The following GRID2 variants were observed in gnomAD, a reference collection of about 807,000 sequenced individuals.
GRID2 encodes the protein glutamate receptor ionotropic, delta-2.
Under a neutral mutation model 114.8 loss-of-function variants are expected in GRID2, and 33 were observed. The observed-to-expected ratio is 0.29, with a 90% CI of 0.22 to 0.38. The LOEUF is 0.38. Among genes scored for constraint, GRID2 ranks in the 10% least tolerant of loss-of-function variants. The probability of loss-of-function intolerance (pLI) is 1.00; values close to 1 mark genes in which losing one functional copy is unlikely to be tolerated. For missense variants in GRID2, 1,184 were observed against 1,257.7 expected (o/e 0.94, Z 0.89); for synonymous variants, 505 against 449.9 (o/e 1.12, Z -1.55).
chr4:92,530,380 G>A (rs566570237), intron 1 of GRID2, among the ~76,000 whole-genome samples: 7 of 151,564 alleles, frequency 4.6e-5, no homozygotes, highest in South Asian at 4.2e-4. Flanking sequence ...TGCCTCATAC[G>A]AACTATTCTT....
intron 1 of GRID2, among the ~76,000 whole-genome samples, chr4:93,801,796 CTTCACTAATAA>C (rs1734936658): frequency 6.6e-6 from 1 of 152,092 alleles, no homozygotes; most frequent in Admixed American, 6.5e-5. Context: ...ACAGAAACAA[CTTCACTAATAA>C]TTATGGGGGA....
intron 3 of GRID2, among the ~76,000 whole-genome samples, chr4:93,108,136 C>T (rs1732426672): frequency 6.6e-6 from 1 of 152,066 alleles, no homozygotes; most frequent in African/African-American, 2.4e-5. Context: ...TTATACTTTA[C>T]CTCAGAGTTT....
chr4:93,053,091 C>T (rs948718026), intron 2 of GRID2, among the ~76,000 whole-genome samples: 3 of 151,894 alleles, frequency 2.0e-5, no homozygotes, highest in Non-Finnish European at 4.4e-5. Context: ...ACACTCGCCT[C>T]CCACTCTACT....
intron 11 of GRID2, among the ~76,000 whole-genome samples, chr4:93,468,124 G>A (rs1010254474): frequency 6.6e-6 from 1 of 152,092 alleles, no homozygotes. Flanking sequence ...TCAGTCATTT[G>A]AACAAATTTT....
chr4:92,907,901 C>CA (rs1748079055), intron 2 of GRID2, among the ~76,000 whole-genome samples: 1 of 151,872 alleles, frequency 6.6e-6, no homozygotes, highest in Non-Finnish European at 1.5e-5. Context: ...GGTGCGCTTA[C>CA]AATCCCAGCT....
chr4:92,882,115 G>A (rs527912039), intron 2 of GRID2, among the ~76,000 whole-genome samples: 1 of 152,226 alleles, frequency 6.6e-6, no homozygotes, highest in African/African-American at 2.4e-5. Flanking sequence ...ATTTAGTTTG[G>A]ATGCATTTGG....
intron 1 of GRID2, among the ~76,000 whole-genome samples, chr4:92,532,641 G>A (rs554002703): frequency 2.6e-5 from 4 of 152,184 alleles, no homozygotes; most frequent in South Asian, 2.1e-4. Context: ...AACCAATAAC[G>A]TTGTCATACG....
chr4:93,225,627 GA>G (rs200966052), intron 7 of GRID2, among the ~76,000 whole-genome samples: 1,790 of 151,946 alleles, frequency 0.012, 32 homozygotes, highest in African/African-American at 0.041. Context: ...CTAGTCAATT[GA>G]AATATAAATG....
intron 2 of GRID2, among the ~76,000 whole-genome samples, chr4:92,998,022 G>T (rs1177460772): frequency 6.6e-6 from 1 of 151,796 alleles, no homozygotes; most frequent in Non-Finnish European, 1.5e-5. Context: ...TTTCCCTTAA[G>T]TTCAAATACT....
chr4:93,623,953 T>G (rs1475675383), intron 13 of GRID2, among the ~76,000 whole-genome samples: 1 of 152,166 alleles, frequency 6.6e-6, no homozygotes, highest in African/African-American at 2.4e-5. Context: ...TGAGGAAAAT[T>G]TAAATGTCTT....
intron 4 of GRID2, among the ~76,000 whole-genome samples, chr4:93,122,804 A>C (rs1733902767): frequency 6.6e-6 from 1 of 151,450 alleles, no homozygotes; most frequent in South Asian, 2.1e-4. Context: ...ATTATTATTA[A>C]ACTGCTCTCA....
intron 8 of GRID2, among the ~76,000 whole-genome samples, chr4:93,322,391 G>A (rs1757329278): frequency 6.6e-6 from 1 of 152,006 alleles, no homozygotes; most frequent in African/African-American, 2.4e-5. Flanking sequence ...ATTTTTTATG[G>A]CTGCATAGTA....
intron 1 of GRID2, among the ~76,000 whole-genome samples, chr4:92,560,134 G>A (rs563218100): frequency 2.0e-5 from 3 of 152,258 alleles, no homozygotes; most frequent in African/African-American, 7.2e-5. Context: ...AATCCAAAAT[G>A]GTGCCTTCTT....
chr4:92,524,595 C>G (rs143548356), intron 1 of GRID2, among the ~76,000 whole-genome samples: 1 of 151,418 alleles, frequency 6.6e-6, no homozygotes, highest in South Asian at 2.1e-4. Context: ...TGGACCTCCC[C>G]GAAAAATCCA....
chr4:92,555,277 G>A (rs547276065), intron 1 of GRID2, among the ~76,000 whole-genome samples: 1 of 152,214 alleles, frequency 6.6e-6, no homozygotes, highest in East Asian at 1.9e-4. Flanking sequence ...AAGTAAAGTT[G>A]CACTAAATGT....
intron 2 of GRID2, among the ~76,000 whole-genome samples, chr4:92,907,783 G>A (rs138507948): frequency 0.12 from 17,715 of 152,082 alleles, 1,351 homozygotes; most frequent in Middle Eastern, 0.17. Flanking sequence ...AAGCACTTTG[G>A]GAGGCCGACA....
At chr4:93,548,848 T>C (rs1289173514) in intron 13 of GRID2, among the ~76,000 whole-genome samples, 1 of 152,204 alleles carries the variant, frequency 6.6e-6, no homozygotes, top group Non-Finnish European at 1.5e-5. Context: ...TGGCTTTCAT[T>C]TATTTTCTTA....
chr4:92,805,188 G>A (rs778645134), intron 2 of GRID2, among the ~76,000 whole-genome samples: 8 of 151,716 alleles, frequency 5.3e-5, no homozygotes, highest in Admixed American at 6.6e-5. Context: ...TTTTTACAAC[G>A]ATATCGTTAT....
At chr4:93,328,172 C>G (rs1758050067) in intron 8 of GRID2, among the ~76,000 whole-genome samples, 1 of 151,978 alleles carries the variant, frequency 6.6e-6, no homozygotes, top group Non-Finnish European at 1.5e-5. Context: ...GCAATATGCA[C>G]TTTTAAAGAT....
Sources: gnomAD v4.1 joint callset for allele counts (sites outside exome capture counted in the v4.1 genomes callset) on GRCh38, gnomAD v4.1.1 for gene constraint, MANE v1.5 for transcripts, NCBI Gene and HGNC (gene_info 2026-07-23, HGNC 2026-07-21) for gene names.